The following UNCX variants were observed in gnomAD, a reference collection of about 807,000 sequenced individuals.
The protein encoded by UNCX is homeobox protein unc-4 homolog.
Under a neutral mutation model 14.8 loss-of-function variants are expected in UNCX, and 4 were observed. The observed-to-expected ratio is 0.27, with a 90% CI of 0.13 to 0.62. The LOEUF (loss-of-function observed/expected upper bound fraction) is 0.62. Ranked by LOEUF, UNCX falls within the 20% of genes least tolerant of loss-of-function variation. The pLI is 0.86. For synonymous variants in UNCX, 459 were observed against 395.8 expected (o/e 1.16, Z -1.90); for missense variants, 749 against 786.8 (o/e 0.95, Z 0.58).
chr7:1,236,253 G>T lies in UNCX; in HGVS notation c.872G>T (p.Ser291Ile). Residue 291 changes from serine to isoleucine, a missense_variant, in exon 3 of 3, where the codon AGC (serine) becomes ATC (isoleucine). By Grantham distance (142) the Ser-to-Ile change is moderately radical (BLOSUM62 -2). This residue lies in a region of UNCX where 552 missense variants were observed against 507.2 expected (regional missense o/e 1.09). Transcript: ENST00000316333. The surrounding 1 kb of genome is among the most constrained non-coding windows in gnomAD (Gnocchi z 6.9). Reference protein sequence around the residue: ...CDPAFYPSQRSGAGPQPRPGR... With the variant: ...CDPAFYPSQRIGAGPQPRPGR... The stretch of plus-strand genomic sequence containing the variant: ...CCCGCCTTCTACCCGAGCCAAAGAA[G>T]CGGCGCCGGCCCACAGCCGCGCCCA... 1 of 1,377,214 alleles carries T rather than the reference G, an allele frequency of 7.3e-7. No homozygotes were observed. The highest frequency in any genetic ancestry group is 9.5e-7 in the Non-Finnish European group (1 of 1,057,664). The allele number at this position is 1,377,214 out of a possible 1,614,324, so 85.3% of individuals were successfully genotyped here. A position where few individuals can be genotyped will look rare whatever the true frequency, so the allele number is the denominator to read the frequency against.
intron 2 of UNCX, among the ~76,000 whole-genome samples, chr7:1,235,157 C>T (rs1467480901): frequency 6.6e-6 from 1 of 152,206 alleles, no homozygotes; most frequent in Non-Finnish European, 1.5e-5. Context: ...TGGCCCAGGC[C>T]AAGGACCGCA....
In UNCX at chr7:1,235,265, G is replaced by A. The variant is rs568355149; in HGVS notation, c.451-567G>A. On this transcript the variant is annotated intron_variant, in intron 2 of 2. Coordinates refer to ENST00000316333, the MANE Select transcript of UNCX (RefSeq NM_001080461.3). ...AGGGAGGCTGCAGAGGCCCACCCAAGTACGGCTCCCCAGGCCCTTCCGGAC... is the reference window on the plus strand; with the variant it reads ...AGGGAGGCTGCAGAGGCCCACCCAAATACGGCTCCCCAGGCCCTTCCGGAC... 5.9e-5 allele frequency among the ~76,000 whole-genome samples: 9 copies of A among 152,372 alleles called. No homozygotes were observed. The East Asian group carries it at 1.5e-3, about 26-fold the overall frequency.
In UNCX at chr7:1,233,412, T is replaced by TGC. The variant is rs1438399527; in HGVS notation, c.275-105_275-104dup. 95 of 873,492 alleles carry TGC rather than the reference T, an allele frequency of 1.1e-4. 1 individual carries two copies. The highest frequency in any genetic ancestry group is 1.3e-4 in the Non-Finnish European group (90 of 687,346). The allele number at this position is 873,492 out of a possible 1,614,324, so 54.1% of individuals were successfully genotyped here. On this transcript the variant is annotated intron_variant, in intron 1 of 2. Coordinates refer to ENST00000316333, the MANE Select transcript of UNCX (RefSeq NM_001080461.3). The surrounding 1 kb of genome is among the most constrained non-coding windows in gnomAD (Gnocchi z 5.3). ...GAGCCGGCTCCTAGGCGGCCGTCTC[T>TGC]GCGCCCCCCCCCCCGGATCCAGGCG...
chr7:1,233,372 G>T lies in UNCX; in HGVS notation c.274+81G>T. The T allele has an allele frequency of 3.0e-6, 4 of 1,352,732 alleles. No individual in the cohort carries two copies. In the South Asian group the frequency reaches 5.4e-5, roughly 18 times the overall value. The allele number at this position is 1,352,732 out of a possible 1,614,324, so 83.8% of individuals were successfully genotyped here. On this transcript the variant is annotated intron_variant, in intron 1 of 2. Transcript: ENST00000316333. The surrounding 1 kb of genome is among the most constrained non-coding windows in gnomAD (Gnocchi z 5.3). ...GTCCGGCCGAGGCGCTGGGGGGCCC[G>T]GGGCTGGCGAAGGAGAGCCGGCTCC...
chr7:1,234,640 C>T (rs1778706286), intron 2 of UNCX, among the ~76,000 whole-genome samples: 1 of 146,574 alleles, frequency 6.8e-6, no homozygotes, highest in African/African-American at 2.5e-5. Context: ...GCTTGGAAAT[C>T]CTTTCATCCA....
In UNCX at chr7:1,236,437, C is replaced by T; in HGVS notation, c.1056C>T (p.Ala352=). 1.5e-6 allele frequency: 2 copies of T among 1,361,268 alleles called. No homozygotes were observed. Among genetic ancestry groups the T allele is most frequent in the Non-Finnish European group, 1.9e-6 (2 of 1,056,728 alleles). 84.3% of individuals were successfully genotyped at this position (1,361,268 alleles called of 1,614,324 possible). ...GCCGGAAAGCCGCTTCCAACGCCGCCGCCGCCGCCGCCGCGGGGCTGGACT... is the reference window on the plus strand; with the variant it reads ...GCCGGAAAGCCGCTTCCAACGCCGCTGCCGCCGCCGCCGCGGGGCTGGACT... ...PPRRKAASNA[A]AAAAAGLDFA... The change falls in exon 3 of 3, where the codon GCC becomes GCT. Residue 352 remains alanine (A), a synonymous_variant. Transcript: ENST00000316333. This position sits in a 1 kb window ranked among gnomAD's most constrained non-coding sequence, Gnocchi z 6.9.
Position 1,233,796 on chromosome 7 carries a change from G to A in UNCX, c.450+101G>A. The A allele has an allele frequency of 1.4e-6, 2 of 1,414,704 alleles. No homozygotes were observed. Among genetic ancestry groups the A allele is most frequent in the South Asian group, 1.4e-5 (1 of 71,064 alleles). The allele number at this position is 1,414,704 out of a possible 1,614,324, so 87.6% of individuals were successfully genotyped here. ...GGTGGCGAGATATCGTCCCCTTGCCGCGGGCCCGCTTCGCGCTCGCCTGCT... is the reference window on the plus strand; with the variant it reads ...GGTGGCGAGATATCGTCCCCTTGCCACGGGCCCGCTTCGCGCTCGCCTGCT... On this transcript the variant is annotated intron_variant, in intron 2 of 2. Coordinates refer to ENST00000316333, the MANE Select transcript of UNCX (RefSeq NM_001080461.3). The surrounding 1 kb of genome is among the most constrained non-coding windows in gnomAD (Gnocchi z 5.3).
Position 1,233,405 on chromosome 7 carries a change from C to A in UNCX, c.274+114C>A. The A allele has an allele frequency of 7.6e-7, 1 of 1,317,652 alleles. No homozygotes were observed. The highest frequency in any genetic ancestry group is 9.7e-7 in the Non-Finnish European group (1 of 1,030,316). 81.6% of individuals were successfully genotyped at this position (1,317,652 alleles called of 1,614,324 possible). ...CGAAGGAGAGCCGGCTCCTAGGCGGCCGTCTCTGCGCCCCCCCCCCCGGAT... is the reference window on the plus strand; with the variant it reads ...CGAAGGAGAGCCGGCTCCTAGGCGGACGTCTCTGCGCCCCCCCCCCCGGAT... On this transcript the variant is annotated intron_variant, in intron 1 of 2. Transcript: ENST00000316333. The surrounding 1 kb of genome is among the most constrained non-coding windows in gnomAD (Gnocchi z 5.3).
Position 1,235,165 on chromosome 7 carries a change from G to A in UNCX, c.451-667G>A, listed in dbSNP as rs186591581. On this transcript the variant is annotated intron_variant, in intron 2 of 2. Transcript: ENST00000316333. ...TGGCCGGTGGCCCAGGCCAAGGACC[G>A]CAGGTTTGGGAAGGCTCCGTTGGCG... is the stretch of plus-strand genomic sequence containing the variant. Among the ~76,000 whole-genome samples, 4 of 152,342 alleles carry A rather than the reference G, an allele frequency of 2.6e-5. No individual in the cohort carries two copies. The East Asian group carries it at 7.7e-4, about 29-fold the overall frequency.
In UNCX at chr7:1,236,081, G is replaced by T; in HGVS notation, c.700G>T (p.Asp234Tyr). 1 of 1,556,196 alleles carries T rather than the reference G, an allele frequency of 6.4e-7. No individual in the cohort carries two copies. The highest frequency in any genetic ancestry group is 8.7e-7 in the Non-Finnish European group (1 of 1,151,750). The change falls in exon 3 of 3, where the codon GAC becomes TAC. Residue 234 changes from aspartate to tyrosine, a missense_variant. Asp to Tyr is a radical substitution (Grantham distance 160). Transcript: ENST00000316333. This position sits in a 1 kb window ranked among gnomAD's most constrained non-coding sequence, Gnocchi z 6.9. ...GLSLHSAPSS[D>Y]SDSGGGGLSP... ...GTCCCTGCACAGCGCGCCCAGCTCC[G>T]ACAGCGACAGCGGCGGCGGCGGCCT...
rs762589837 is a variant in UNCX at position 1,236,518 on chromosome 7, C to T, written c.1137C>T (p.Leu379=). 2.8e-6 allele frequency: 4 copies of T among 1,408,708 alleles called. No individual in the cohort carries two copies. In the South Asian group the frequency reaches 4.0e-5, roughly 14 times the overall value. The allele number at this position is 1,408,708 out of a possible 1,614,324, so 87.3% of individuals were successfully genotyped here. The change falls in exon 3 of 3, where the codon CTC becomes CTT. Residue 379 remains leucine, a synonymous_variant. Transcript: ENST00000316333. The surrounding 1 kb of genome is among the most constrained non-coding windows in gnomAD (Gnocchi z 6.9). ...CCCTGATCGGCAAGGGCCACTTCCT[C>T]CTCTACCCCATCACGCAGCCGCTCG... ...PRTLIGKGHF[L]LYPITQPLGF...
rs2128273006 is a variant in UNCX at position 1,236,735 on chromosome 7, G to A, written c.1354G>A (p.Ala452Thr). 3 of 991,080 alleles carry A rather than the reference G, an allele frequency of 3.0e-6. No homozygotes were observed. Among genetic ancestry groups the A allele is most frequent in the Non-Finnish European group, 3.6e-6 (3 of 835,316 alleles). The allele number at this position is 991,080 out of a possible 1,614,324, so 61.4% of individuals were successfully genotyped here. A position where few individuals can be genotyped will look rare whatever the true frequency, so the allele number is the denominator to read the frequency against. The stretch of plus-strand genomic sequence containing the variant: ...CCCCGACGCCGTCGCCTCCCCGGGG[G>A]CCCCAGCCCCGGCCCCGGCGCCTTT... Reference protein sequence around the residue: ...RSPDAVASPGAPAPAPAPFRD... With the variant: ...RSPDAVASPGTPAPAPAPFRD... Residue 452 changes from alanine (A) to threonine (T), a missense_variant, in exon 3 of 3, where the codon GCC becomes ACC. This residue lies in a region of UNCX where 552 missense variants were observed against 507.2 expected (regional missense o/e 1.09). Coordinates refer to ENST00000316333, the MANE Select transcript of UNCX (RefSeq NM_001080461.3). The surrounding 1 kb of genome is among the most constrained non-coding windows in gnomAD (Gnocchi z 6.9).
rs981937690 is a variant in UNCX at position 1,233,310 on chromosome 7, A to G, written c.274+19A>G. 1.6e-6 allele frequency: 1 copy of G among 632,810 alleles called. No homozygotes were observed. Among genetic ancestry groups the G allele is most frequent in the South Asian group, 3.1e-5 (1 of 32,548 alleles). 39.2% of individuals were successfully genotyped at this position (632,810 alleles called of 1,614,324 possible). ...CTGTCAGGTAGGCGCGGCGGGCGGG[A>G]GGGCGGGGAGGAGTGCGGCTGGGGG... On this transcript the variant is annotated intron_variant, in intron 1 of 2. Coordinates refer to ENST00000316333, the MANE Select transcript of UNCX (RefSeq NM_001080461.3). This position sits in a 1 kb window ranked among gnomAD's most constrained non-coding sequence, Gnocchi z 5.3.
chr7:1,232,910 G>A lies in UNCX; in HGVS notation c.-108G>A. 1 of 506,308 alleles carries A rather than the reference G, an allele frequency of 2.0e-6. No homozygotes were observed. Among genetic ancestry groups the A allele is most frequent in the Non-Finnish European group, 2.5e-6 (1 of 393,792 alleles). The allele number at this position is 506,308 out of a possible 1,614,324, so 31.4% of individuals were successfully genotyped here. On this transcript the variant is annotated 5_prime_UTR_variant, in exon 1 of 3. Coordinates refer to ENST00000316333, the MANE Select transcript of UNCX (RefSeq NM_001080461.3). ...GCGGGCGAAGCATGTGTGGGGCTCC[G>A]GGTCCCTGTCTCCGCCGCCGCCGCC...
chr7:1,237,110 TA>T lies in UNCX; in HGVS notation c.*134del, dbSNP rs1778763870. On this transcript the variant is annotated 3_prime_UTR_variant, in exon 3 of 3. Transcript: ENST00000316333. This position sits in a 1 kb window ranked among gnomAD's most constrained non-coding sequence, Gnocchi z 5.8. Reference sequence around the variant, plus strand: ...TTTTCTTTTGTTTTCTTTCTTTTATTATTTTTTTTAAGAGTAAACGAAAGTG... The same window carrying T: ...TTTTCTTTTGTTTTCTTTCTTTTATTTTTTTTTTAAGAGTAAACGAAAGTG... 25 of 883,822 alleles carry T rather than the reference TA, an allele frequency of 2.8e-5. No individual in the cohort carries two copies. The highest frequency in any genetic ancestry group is 1.1e-4 in the South Asian group (2 of 18,648). 54.7% of individuals were successfully genotyped at this position (883,822 alleles called of 1,614,324 possible). A position where few individuals can be genotyped will look rare whatever the true frequency, so the allele number is the denominator to read the frequency against.
In UNCX at chr7:1,232,981, G is replaced by T. The variant is rs1261430847; in HGVS notation, c.-37G>T. 1.9e-6 allele frequency: 2 copies of T among 1,064,716 alleles called. No individual in the cohort carries two copies. The highest frequency in any genetic ancestry group is 3.4e-5 in the African/African-American group (2 of 58,548). The allele number at this position is 1,064,716 out of a possible 1,614,324, so 66.0% of individuals were successfully genotyped here. A position where few individuals can be genotyped will look rare whatever the true frequency, so the allele number is the denominator to read the frequency against. ...CGCCCCGGCCCCGGCCCGCGCCCCCGCGCCCCGCCACCGGCCCCGCCGGCC... is the reference window on the plus strand; with the variant it reads ...CGCCCCGGCCCCGGCCCGCGCCCCCTCGCCCCGCCACCGGCCCCGCCGGCC... On this transcript the variant is annotated 5_prime_UTR_variant, in exon 1 of 3. Coordinates refer to ENST00000316333, the MANE Select transcript of UNCX (RefSeq NM_001080461.3).
chr7:1,236,032 C>T lies in UNCX; in HGVS notation c.651C>T (p.Arg217=). The T allele has an allele frequency of 6.2e-7, 1 of 1,605,752 alleles. No homozygotes were observed. Among genetic ancestry groups the T allele is most frequent in the Non-Finnish European group, 8.5e-7 (1 of 1,177,232 alleles). The stretch of plus-strand genomic sequence containing the variant: ...AGAAGCTGCTGAAGAGCCAGGGCCG[C>T]CACTTGCACTCGCCCGGCGGCCTGT... ...HEKKLLKSQG[R]HLHSPGGLSL... The change falls in exon 3 of 3, where the codon CGC becomes CGT. Residue 217 remains arginine (R), a synonymous_variant. Transcript: ENST00000316333. This position sits in a 1 kb window ranked among gnomAD's most constrained non-coding sequence, Gnocchi z 6.9.
In UNCX at chr7:1,233,160, C is replaced by T; in HGVS notation, c.143C>T (p.Ala48Val). ...GHQLQSAAAA[A>V]SVPFSIDGLL... is the part of the protein sequence containing the mutation. ...CAGCTGCAGTCGGCCGCCGCCGCCG[C>T]CTCGGTGCCCTTCTCCATCGACGGC... is the stretch of plus-strand genomic sequence containing the variant. Residue 48 changes from alanine (A) to valine (V), a missense_variant, in exon 1 of 3, where the codon GCC (alanine) becomes GTC (valine). Physicochemically the swap from Ala to Val is moderately conservative, Grantham distance 64. This residue lies in a region of UNCX where 155 missense variants were observed against 166.7 expected (regional missense o/e 0.93). Coordinates refer to ENST00000316333, the MANE Select transcript of UNCX (RefSeq NM_001080461.3). This position sits in a 1 kb window ranked among gnomAD's most constrained non-coding sequence, Gnocchi z 5.3. 6.8e-7 allele frequency: 1 copy of T among 1,464,054 alleles called. No homozygotes were observed. The highest frequency in any genetic ancestry group is 1.3e-5 in the South Asian group (1 of 77,614). 90.7% of individuals were successfully genotyped at this position (1,464,054 alleles called of 1,614,324 possible). A position where few individuals can be genotyped will look rare whatever the true frequency, so the allele number is the denominator to read the frequency against.
At position 1,236,123 on chromosome 7, in the gene UNCX, G is replaced by A. The variant is rs746410395; in HGVS notation, c.742G>A (p.Glu248Lys). The stretch of plus-strand genomic sequence containing the variant: ...CGGCGGCCTGTCTCCGGAGCCGCCC[G>A]AGCCGCCGCCGCCCGCCGCCAAGGG... ...GGGGLSPEPP[E>K]PPPPAAKGPG... is the part of the protein sequence containing the mutation. Residue 248 changes from glutamate (E) to lysine (K), a missense_variant, in exon 3 of 3, where the codon GAG (glutamate) becomes AAG (lysine). By Grantham distance (56) the Glu-to-Lys change is moderately conservative (BLOSUM62 1). Coordinates refer to ENST00000316333, the MANE Select transcript of UNCX (RefSeq NM_001080461.3). This position sits in a 1 kb window ranked among gnomAD's most constrained non-coding sequence, Gnocchi z 6.9. 7.6e-7 allele frequency: 1 copy of A among 1,313,594 alleles called. No homozygotes were observed. The highest frequency in any genetic ancestry group is 9.7e-7 in the Non-Finnish European group (1 of 1,034,448). 81.4% of individuals were successfully genotyped at this position (1,313,594 alleles called of 1,614,324 possible).
Sources: allele counts gnomAD v4.1 joint callset (sites outside exome capture counted in the v4.1 genomes callset), GRCh38; gene constraint gnomAD v4.1.1; regional missense constraint gnomAD v4.1.1; non-coding constraint Gnocchi (gnomAD v3.1); transcripts MANE v1.5; gene names NCBI Gene and HGNC (gene_info 2026-07-23, HGNC 2026-07-21).